RPS6KA6: variants seen among roughly 807,000 people sequenced by gnomAD.
RPS6KA6 encodes the protein ribosomal protein S6 kinase A6, also known as ribosomal protein S6 kinase alpha-6.
In RPS6KA6, 27 loss-of-function variants were observed where a neutral mutation model predicts 65.4. The ratio of observed to expected loss-of-function variants is 0.41; its 90% CI spans 0.30 to 0.57. The LOEUF (loss-of-function observed/expected upper bound fraction) is 0.57. Among genes scored for constraint, RPS6KA6 ranks in the 20% least tolerant of loss-of-function variants. RPS6KA6 has a pLI of 0.24. For synonymous variants in RPS6KA6, 190 were observed against 184.2 expected (o/e 1.03, Z -0.26); for missense variants, 486 against 555.6 (o/e 0.87, Z 1.26).
intron 20 of RPS6KA6, among the ~76,000 whole-genome samples, chrX:84,087,237 G>A (rs1166284204): frequency 9.1e-6 from 1 of 109,412 alleles, no homozygotes; most frequent in Non-Finnish European, 1.9e-5. Context: ...TTATGTGGTT[G>A]TTTCATAATG....
At chrX:84,176,460 C>T (rs1379985480) in intron 1 of RPS6KA6, among the ~76,000 whole-genome samples, 3 of 111,900 alleles carry the variant, frequency 2.7e-5, no homozygotes, top group African/African-American at 9.7e-5. Flanking sequence ...TAAAATACTA[C>T]CTTTGGGGTA....
Position 84,060,323 on chromosome X carries a change from A to ATTTTT in RPS6KA6, c.*3949_*3953dup, listed in dbSNP as rs953832486. 1 of 89,839 alleles carries ATTTTT rather than the reference A, an allele frequency of 1.1e-5. No individual in the cohort carries two copies. The highest frequency in any genetic ancestry group is 1.3e-4 in the Admixed American group (1 of 7,967). The allele number at this position is 89,839 out of a possible 1,213,427, so 7.4% of individuals were successfully genotyped here. A position where few individuals can be genotyped will look rare whatever the true frequency, so the allele number is the denominator to read the frequency against. On this transcript the variant is annotated 3_prime_UTR_variant, in exon 22 of 22. Coordinates refer to ENST00000262752, the MANE Select transcript of RPS6KA6 (RefSeq NM_014496.5). ...CCAATATATACTTAATATGGCTTGC[A>ATTTTT]TTTTTTTTTTTTTTTTTTTGAAATA...
chrX:84,138,763 G>A (rs911752245), intron 6 of RPS6KA6, among the ~76,000 whole-genome samples: 1 of 106,636 alleles, frequency 9.4e-6, no homozygotes, highest in African/African-American at 3.4e-5. Context: ...AAGGAAAATA[G>A]AGCACAGCTT....
intron 2 of RPS6KA6, among the ~76,000 whole-genome samples, chrX:84,162,949 T>C (rs2035535893): frequency 8.9e-6 from 1 of 112,202 alleles, no homozygotes; most frequent in Non-Finnish European, 1.9e-5. Context: ...ATCTCTCATA[T>C]TGTCAATCAA....
chrX:84,066,814 G>A (rs1851236166), intron 20 of RPS6KA6, among the ~76,000 whole-genome samples: 1 of 111,954 alleles, frequency 8.9e-6, no homozygotes, highest in Non-Finnish European at 1.9e-5. Flanking sequence ...CCTGACCCCT[G>A]TGCCTCTTGA....
chrX:84,146,186 G>A (rs749568058), intron 5 of RPS6KA6, among the ~76,000 whole-genome samples: 63 of 111,335 alleles, frequency 5.7e-4, no homozygotes, highest in Non-Finnish European at 1.1e-3. Flanking sequence ...CTACAGACAC[G>A]GGAAGGTCTT....
At chrX:84,075,427 T>C (rs751095679) in intron 20 of RPS6KA6, among the ~76,000 whole-genome samples, 6 of 111,586 alleles carry the variant, frequency 5.4e-5, no homozygotes, top group African/African-American at 2.0e-4. Flanking sequence ...AATATATATA[T>C]GCAGTTGAAG....
intron 6 of RPS6KA6, among the ~76,000 whole-genome samples, chrX:84,140,313 C>G (rs2035072251): frequency 9.0e-6 from 1 of 111,264 alleles, no homozygotes; most frequent in South Asian, 3.8e-4. Context: ...ATCTAACGAA[C>G]TTTAAAAGAC....
chrX:84,068,419 CAT>C (rs1168888905), intron 20 of RPS6KA6, among the ~76,000 whole-genome samples: 2 of 111,608 alleles, frequency 1.8e-5, no homozygotes, highest in African/African-American at 3.3e-5. Context: ...ATTGATGAAA[CAT>C]ATCTCAAAAT....
At chrX:84,181,146 T>G (rs946620762) in intron 1 of RPS6KA6, among the ~76,000 whole-genome samples, 13 of 111,800 alleles carry the variant, frequency 1.2e-4, no homozygotes, top group African/African-American at 3.9e-4. Context: ...CTCTTAAAGT[T>G]TGTCTTCAAT....
chrX:84,073,917 T>C (rs990514796), intron 20 of RPS6KA6, among the ~76,000 whole-genome samples: 1 of 111,256 alleles, frequency 9.0e-6, no homozygotes. Context: ...CGCTATACTA[T>C]TGGTGGGAAT....
intron 20 of RPS6KA6, among the ~76,000 whole-genome samples, chrX:84,070,493 T>A (rs775433064): frequency 9.0e-6 from 1 of 110,764 alleles, no homozygotes; most frequent in Non-Finnish European, 1.9e-5. Context: ...CAAACCACCA[T>A]GGCACATGTA....
intron 20 of RPS6KA6, among the ~76,000 whole-genome samples, chrX:84,091,803 A>G (rs1291563725): frequency 8.9e-6 from 1 of 112,178 alleles, no homozygotes; most frequent in Non-Finnish European, 1.9e-5. Context: ...TATGCCCATC[A>G]ATGATAGACT....
chrX:84,076,361 A>G (rs2033663759), intron 20 of RPS6KA6, among the ~76,000 whole-genome samples: 2 of 111,870 alleles, frequency 1.8e-5, no homozygotes, highest in Non-Finnish European at 3.8e-5. Flanking sequence ...CTTACAATAA[A>G]ATAGTACATC....
chrX:84,173,093 T>C (rs953193082), intron 1 of RPS6KA6, among the ~76,000 whole-genome samples: 3 of 110,648 alleles, frequency 2.7e-5, no homozygotes, highest in African/African-American at 9.9e-5. Flanking sequence ...TTTAAAATGG[T>C]TAAGATGGCA....
At chrX:84,083,874 C>T (rs562741742) in intron 20 of RPS6KA6, among the ~76,000 whole-genome samples, 3 of 112,195 alleles carry the variant, frequency 2.7e-5, no homozygotes, top group African/African-American at 6.5e-5. Flanking sequence ...CACAGCCTTG[C>T]CAGCATTTGT....
intron 14 of RPS6KA6, 113 bp downstream of exon 14, chrX:84,106,797 A>C: frequency 1.7e-6 from 1 of 606,032 alleles, no homozygotes; most frequent in Non-Finnish European, 2.5e-6. Context: ...ATTTATACCA[A>C]TAGATAAACA....
At chrX:84,131,414 C>G (rs1182055156) in intron 8 of RPS6KA6, among the ~76,000 whole-genome samples, 1 of 112,092 alleles carries the variant, frequency 8.9e-6, no homozygotes, top group Admixed American at 9.5e-5. Flanking sequence ...CACTGTGCCA[C>G]TATGTTCTCT....
intron 6 of RPS6KA6, among the ~76,000 whole-genome samples, chrX:84,135,559 T>C (rs746650349): frequency 8.9e-6 from 1 of 111,755 alleles, no homozygotes; most frequent in South Asian, 3.7e-4. Flanking sequence ...ATTATAGTAA[T>C]CTGCTATAAT....
Sources: allele counts gnomAD v4.1 joint callset (sites outside exome capture counted in the v4.1 genomes callset), GRCh38; gene constraint gnomAD v4.1.1; transcripts MANE v1.5; gene names NCBI Gene and HGNC (gene_info 2026-07-23, HGNC 2026-07-21).